FAT3: variants seen among roughly 807,000 people sequenced by gnomAD.
FAT3 encodes the protein protocadherin Fat 3.
In FAT3, 95 loss-of-function variants were observed where a neutral mutation model predicts 310.2. That is an observed-to-expected ratio of 0.31 (90% CI 0.26 to 0.36). FAT3 has a LOEUF of 0.36. FAT3 is among the 10% of genes least tolerant of loss of function. The probability of loss-of-function intolerance (pLI) is 1.00; values close to 1 mark genes in which losing one functional copy is unlikely to be tolerated. For synonymous variants in FAT3, 2,314 were observed against 2,192.9 expected (o/e 1.06, Z -1.54); for missense variants, 5,408 against 5,715.6 (o/e 0.95, Z 1.74).
rs1022081136 is a variant in FAT3, at chr11:92,230,553, C to A, written c.-18+5379C>A. 1.3e-5 allele frequency among the ~76,000 whole-genome samples: 2 copies of A among 152,180 alleles called. 1 individual carries two copies. ...AAGTGATCCACCCACCTCGGCCTCC[C>A]AAAGTGCTCGGATTAGAGGCATGAG... On this transcript the variant is annotated intron_variant, in intron 1 of 27. Transcript: ENST00000525166.
intron 4 of FAT3, among the ~76,000 whole-genome samples, chr11:92,699,189 C>T (rs920665665): frequency 2.0e-5 from 3 of 152,040 alleles, no homozygotes; most frequent in Admixed American, 6.6e-5. Flanking sequence ...CTCCACTTAT[C>T]CAAAATGCTT....
chr11:92,521,986 G>C (rs1159995078), intron 2 of FAT3, among the ~76,000 whole-genome samples: 1 of 152,008 alleles, frequency 6.6e-6, no homozygotes, highest in Admixed American at 6.6e-5. Context: ...CAAAGGACTG[G>C]GAGTCTTTTG....
Position 92,891,472 on chromosome 11 carries a change from A to G in FAT3, c.*359A>G. The G allele has an allele frequency of 4.0e-6, 1 of 250,006 alleles. No homozygotes were observed. Among genetic ancestry groups the G allele is most frequent in the Non-Finnish European group, 7.9e-6 (1 of 126,430 alleles). 15.5% of individuals were successfully genotyped at this position (250,006 alleles called of 1,614,324 possible). Reference sequence around the variant, plus strand: ...AAAGTGTTACAGCATCAGTCCTTGCAGTATTAAAAACTGGCAACAATCAAA... The same window carrying G: ...AAAGTGTTACAGCATCAGTCCTTGCGGTATTAAAAACTGGCAACAATCAAA... On this transcript the variant is annotated 3_prime_UTR_variant, in exon 28 of 28. Coordinates refer to ENST00000525166, the MANE Select transcript of FAT3 (RefSeq NM_001367949.2).
At chr11:92,303,461 T>G (rs1947048115) in intron 1 of FAT3, among the ~76,000 whole-genome samples, 1 of 152,092 alleles carries the variant, frequency 6.6e-6, no homozygotes, top group African/African-American at 2.4e-5. Context: ...AGTTTCTGAC[T>G]CTTAAAAGTA....
At chr11:92,541,131 T>C (rs1048232322) in intron 3 of FAT3, among the ~76,000 whole-genome samples, 1 of 152,190 alleles carries the variant, frequency 6.6e-6, no homozygotes, top group African/African-American at 2.4e-5. Flanking sequence ...TTCAGTGTTA[T>C]TTATTGAACA....
At chr11:92,500,439 C>T (rs1229327462) in intron 2 of FAT3, among the ~76,000 whole-genome samples, 2 of 151,802 alleles carry the variant, frequency 1.3e-5, no homozygotes, top group Admixed American at 1.3e-4. Context: ...TGCTGGCTAA[C>T]GTAATTAGGC....
At chr11:92,482,774 A>C (rs1952268074) in intron 2 of FAT3, among the ~76,000 whole-genome samples, 1 of 152,074 alleles carries the variant, frequency 6.6e-6, no homozygotes, top group Admixed American at 6.5e-5. Flanking sequence ...CCCTTCCTCA[A>C]CTACATATTC....
chr11:92,435,433 C>T (rs1290167969), intron 2 of FAT3, among the ~76,000 whole-genome samples: 1 of 151,392 alleles, frequency 6.6e-6, no homozygotes, highest in Non-Finnish European at 1.5e-5. Context: ...TAGGACCCTC[C>T]CTCTCTTCTT....
intron 3 of FAT3, among the ~76,000 whole-genome samples, chr11:92,636,116 A>G (rs1941760059): frequency 6.6e-6 from 1 of 152,058 alleles, no homozygotes; most frequent in Non-Finnish European, 1.5e-5. Context: ...GGTGGGTGCA[A>G]CCACGCCTGG....
chr11:92,499,747 G>T (rs1432638597), intron 2 of FAT3, among the ~76,000 whole-genome samples: 1 of 151,672 alleles, frequency 6.6e-6, no homozygotes, highest in East Asian at 1.9e-4. Context: ...GTGTGTGTGT[G>T]TGTGTGTGAA....
intron 2 of FAT3, among the ~76,000 whole-genome samples, chr11:92,501,543 T>C (rs934907653): frequency 4.6e-5 from 7 of 152,082 alleles, no homozygotes; most frequent in African/African-American, 1.7e-4. Flanking sequence ...AGCCGTCTAG[T>C]AACTACTTTA....
chr11:92,430,660 C>G (rs1359233234), intron 2 of FAT3, among the ~76,000 whole-genome samples: 1 of 152,064 alleles, frequency 6.6e-6, no homozygotes, highest in Non-Finnish European at 1.5e-5. Flanking sequence ...TGCTTCCCCG[C>G]TCCCCCCACC....
At chr11:92,258,677 A>T (rs1212470446) in intron 1 of FAT3, among the ~76,000 whole-genome samples, 3 of 152,088 alleles carry the variant, frequency 2.0e-5, no homozygotes, top group African/African-American at 7.2e-5. Flanking sequence ...GTGCATCCCT[A>T]AAAAATGTGA....
rs186569910 is a variant in FAT3, at chr11:92,697,765, G to A, written c.3669+320G>A. Among the ~76,000 whole-genome samples the A allele has an allele frequency of 2.6e-5, 4 of 152,244 alleles. No individual in the cohort carries two copies. In the East Asian group the frequency reaches 7.7e-4, roughly 29 times the overall value. On this transcript the variant is annotated intron_variant, in intron 4 of 27. Coordinates refer to ENST00000525166, the MANE Select transcript of FAT3 (RefSeq NM_001367949.2). ...GGAGCAGAGCCCTGTGAGCCACGGG[G>A]GCCACAGACGTAAAAAGAGAAAGAG...
At chr11:92,331,470 C>A (rs1368311556) in intron 1 of FAT3, among the ~76,000 whole-genome samples, 1 of 152,054 alleles carries the variant, frequency 6.6e-6, no homozygotes, top group Non-Finnish European at 1.5e-5. Context: ...TAAACATAGC[C>A]CCTCAGGGCA....
intron 2 of FAT3, among the ~76,000 whole-genome samples, chr11:92,437,375 G>T (rs540014998): frequency 3.3e-5 from 5 of 152,262 alleles, no homozygotes; most frequent in Admixed American, 1.3e-4. Context: ...CAGAAGAGCC[G>T]AATTCAAATC....
chr11:92,865,350 T>C (rs1475167254), intron 21 of FAT3, among the ~76,000 whole-genome samples: 1 of 152,210 alleles, frequency 6.6e-6, no homozygotes, highest in African/African-American at 2.4e-5. Context: ...ACTGCTTCAG[T>C]CTATTTCTGT....
intron 2 of FAT3, among the ~76,000 whole-genome samples, chr11:92,394,656 A>T (rs1949823942): frequency 6.6e-6 from 1 of 151,980 alleles, no homozygotes; most frequent in African/African-American, 2.4e-5. Context: ...GAAAAAAAAA[A>T]CTTTATCAAA....
Position 92,380,230 on chromosome 11 carries a change from C to T in FAT3, c.3292+24826C>T, listed in dbSNP as rs79479483. 9.3e-3 allele frequency among the ~76,000 whole-genome samples: 1,419 copies of T among 152,182 alleles called. 9 individuals are homozygous for T. Among genetic ancestry groups the T allele is most frequent in the South Asian group, 0.016 (78 of 4,818 alleles). ...CTGAGTGTCTCCCACCTTCAAGATTCCCATTTGCAGTTGACCTTTGACATT... is the reference window on the plus strand; with the variant it reads ...CTGAGTGTCTCCCACCTTCAAGATTTCCATTTGCAGTTGACCTTTGACATT... On this transcript the variant is annotated intron_variant, in intron 2 of 27. Transcript: ENST00000525166.
Sources: gnomAD v4.1 joint callset for allele counts (sites outside exome capture counted in the v4.1 genomes callset) on GRCh38, gnomAD v4.1.1 for gene constraint, MANE v1.5 for transcripts, NCBI Gene and HGNC (gene_info 2026-07-23, HGNC 2026-07-21) for gene names.